The following RUFY3 variants were observed in gnomAD, a reference collection of about 807,000 sequenced individuals.
RUFY3 encodes RUN and FYVE domain containing 3.
In RUFY3, 34 loss-of-function variants were observed where a neutral mutation model predicts 84.0. That is an observed-to-expected ratio of 0.40 (90% confidence interval 0.31 to 0.54). The LOEUF (loss-of-function observed/expected upper bound fraction) is 0.54, where lower values mean the gene tolerates loss of function less well. Ranked by LOEUF, RUFY3 falls within the 20% of genes least tolerant of loss-of-function variation. The pLI is 0.39. For missense variants in RUFY3, 507 were observed against 736.8 expected (o/e 0.69, Z 3.61); for synonymous variants, 242 against 252.9 (o/e 0.96, Z 0.41).
At chr4:70,744,253 C>T (rs1317445464) in intron 1 of RUFY3, among the ~76,000 whole-genome samples, 1 of 151,764 alleles carries the variant, frequency 6.6e-6, no homozygotes, top group Non-Finnish European at 1.5e-5. Context: ...GGCTGGAGTG[C>T]AGTGGCATGA....
chr4:70,807,703 G>A lies in RUFY3; in HGVS notation c.*1044G>A. On this transcript the variant is annotated 3_prime_UTR_variant, in exon 18 of 18. Coordinates refer to ENST00000381006, the MANE Select transcript of RUFY3 (RefSeq NM_001037442.4). ...TTTGGCCGGGGAGGGGGTCTCATTG[G>A]TTGCTCAGCCTGGTCTCAAACTCCT... is the stretch of plus-strand genomic sequence containing the variant. Among the ~76,000 whole-genome samples, 1 of 148,102 alleles carries A rather than the reference G, an allele frequency of 6.8e-6. No homozygotes were observed. Among genetic ancestry groups the A allele is most frequent in the Non-Finnish European group, 1.5e-5 (1 of 67,418 alleles).
chr4:70,766,300 A>G (rs908040618), intron 4 of RUFY3, among the ~76,000 whole-genome samples: 1 of 152,120 alleles, frequency 6.6e-6, no homozygotes, highest in African/African-American at 2.4e-5. Flanking sequence ...GTTGGAGTGC[A>G]GTGGTGCAAT....
At chr4:70,718,729 CTT>C (rs59240584), upstream of RUFY3, among the ~76,000 whole-genome samples, 2 of 147,878 alleles carry the variant, frequency 1.4e-5, no homozygotes, top group Non-Finnish European at 3.0e-5. Context: ...TATCTAAAAT[CTT>C]TTTTTTTTTT....
intron 14 of RUFY3, among the ~76,000 whole-genome samples, chr4:70,798,518 C>T (rs79761683): frequency 0.031 from 4,699 of 152,222 alleles, 105 homozygotes; most frequent in Non-Finnish European, 0.047. Context: ...TTGCCAGGCA[C>T]AGTGGCTCAT....
intron 1 of RUFY3, among the ~76,000 whole-genome samples, chr4:70,754,528 A>AT (rs371643194): frequency 0.023 from 3,304 of 144,210 alleles, 44 homozygotes; most frequent in Middle Eastern, 0.04. Context: ...CTCTATTATA[A>AT]TTTTTTTTTT....
chr4:70,733,906 A>G (rs1488412425), intron 1 of RUFY3, among the ~76,000 whole-genome samples: 1 of 152,160 alleles, frequency 6.6e-6, no homozygotes, highest in African/African-American at 2.4e-5. Flanking sequence ...ATGAAAACAA[A>G]TGTTCCTTTT....
At chr4:70,734,355 C>G (rs759222010) in intron 1 of RUFY3, 239 of 977,116 alleles carry the variant, frequency 2.4e-4, no homozygotes, top group Non-Finnish European at 2.6e-4. Flanking sequence ...TGTAATTGGC[C>G]CTTGGTGAGA....
exon 1 of RUFY3, chr4:70,705,247 T>G (rs765626969): frequency 2.1e-6 from 3 of 1,452,296 alleles, no homozygotes; most frequent in Non-Finnish European, 2.7e-6. Flanking sequence ...TTCCTGCTGC[T>G]GAGCTACCCG....
chr4:70,797,399 T>C (rs933618103), intron 14 of RUFY3, among the ~76,000 whole-genome samples: 1 of 152,218 alleles, frequency 6.6e-6, no homozygotes, highest in Non-Finnish European at 1.5e-5. Flanking sequence ...CCATGAACTT[T>C]TTGAATACCT....
chr4:70,754,916 T>C (rs1723743454), intron 1 of RUFY3, among the ~76,000 whole-genome samples: 2 of 152,132 alleles, frequency 1.3e-5, no homozygotes, highest in Middle Eastern at 6.8e-3. Flanking sequence ...TTTTCTTTTT[T>C]TCTTGAGACG....
intron 1 of RUFY3, among the ~76,000 whole-genome samples, chr4:70,732,645 G>A (rs7666567): frequency 0.12 from 18,533 of 151,920 alleles, 2,536 homozygotes; most frequent in African/African-American, 0.34. Flanking sequence ...TTCTGAGCAA[G>A]CTATCACAAG....
chr4:70,754,593 T>A (rs1374004708), intron 1 of RUFY3, among the ~76,000 whole-genome samples: 2 of 151,736 alleles, frequency 1.3e-5, no homozygotes, highest in Non-Finnish European at 2.9e-5. Flanking sequence ...CAAATAAGTG[T>A]CATCAGGCTA....
In RUFY3 at chr4:70,793,917, T is replaced by C. The variant is rs59183938; in HGVS notation, c.1457+13T>C. On this transcript the variant is annotated intron_variant, in intron 13 of 17. Transcript: ENST00000381006. ...TCACCAGGCAGCGGTGAAGAGGGGG[T>C]AGCTTGAGCTGACAGGGTGGTCATG... is the stretch of plus-strand genomic sequence containing the variant. 76,057 of 1,612,620 alleles carry C rather than the reference T, an allele frequency of 0.047. 3,267 individuals carry two copies. The highest frequency in any genetic ancestry group is 0.21 in the East Asian group (9,487 of 44,840).
At chr4:70,803,832 C>G (rs1560579973) in intron 16 of RUFY3, among the ~76,000 whole-genome samples, 1 of 152,058 alleles carries the variant, frequency 6.6e-6, no homozygotes, top group African/African-American at 2.4e-5. Flanking sequence ...AAGTGATTCC[C>G]CTGCCTCAGC....
At chr4:70,709,225 AGTCTTTGAGTGCTG>A (rs1226307015) in intron 1 of RUFY3, among the ~76,000 whole-genome samples, 2 of 152,144 alleles carry the variant, frequency 1.3e-5, no homozygotes, top group Non-Finnish European at 2.9e-5. Context: ...TCTCTTTCTG[AGTCTTTGAGTGCTG>A]GTAATCTGCT....
At chr4:70,770,630 T>C (rs966028083) in intron 5 of RUFY3, among the ~76,000 whole-genome samples, 11 of 151,572 alleles carry the variant, frequency 7.3e-5, no homozygotes, top group Non-Finnish European at 1.3e-4. Context: ...TTGTGGCTGG[T>C]TTGATCTTCT....
rs570300145 is a variant in RUFY3 at position 70,787,306 on chromosome 4, G to A, written c.1072-1500G>A. On this transcript the variant is annotated intron_variant, in intron 10 of 17. Transcript: ENST00000381006. The stretch of plus-strand genomic sequence containing the variant: ...GGAGTCTTGCTCTGCCACCCAGGCT[G>A]AAGTGCAGTGGTGTAGTCTCAGCTC... 1.2e-3 allele frequency among the ~76,000 whole-genome samples: 171 copies of A among 138,108 alleles called. 1 individual carries two copies. Among genetic ancestry groups the A allele is most frequent in the African/African-American group, 4.4e-3 (162 of 36,482 alleles). 90.6% of individuals were successfully genotyped at this position (138,108 alleles called of 152,430 possible). A position where few individuals can be genotyped will look rare whatever the true frequency, so the allele number is the denominator to read the frequency against.
At chr4:70,742,240 G>A (rs188073614) in intron 1 of RUFY3, among the ~76,000 whole-genome samples, 4 of 152,294 alleles carry the variant, frequency 2.6e-5, no homozygotes, top group Admixed American at 2.6e-4. Context: ...ATGTGGAAAG[G>A]TTCCCCAAAC....
At chr4:70,772,864 T>A (rs991858619) in intron 5 of RUFY3, among the ~76,000 whole-genome samples, 1 of 152,198 alleles carries the variant, frequency 6.6e-6, no homozygotes, top group Non-Finnish European at 1.5e-5. Flanking sequence ...TTTCTCCATG[T>A]TGTTCAGTCT....
Sources: allele counts gnomAD v4.1 joint callset (sites outside exome capture counted in the v4.1 genomes callset), GRCh38; gene constraint gnomAD v4.1.1; transcripts MANE v1.5; gene names NCBI Gene and HGNC (gene_info 2026-07-23, HGNC 2026-07-21).